COP1: variants seen among roughly 807,000 people sequenced by gnomAD.
COP1 encodes COP1 E3 ubiquitin ligase.
In COP1, 24 loss-of-function variants were observed where a neutral mutation model predicts 101.3. The ratio of observed to expected loss-of-function variants is 0.24; its 90% CI spans 0.17 to 0.33. The LOEUF is 0.33. Ranked by LOEUF, COP1 falls within the 10% of genes least tolerant of loss-of-function variation. The probability of loss-of-function intolerance (pLI) is 1.00; values close to 1 mark genes in which losing one functional copy is unlikely to be tolerated. For synonymous variants in COP1, 347 were observed against 341.9 expected (o/e 1.01, Z -0.17); for missense variants, 663 against 906.2 (o/e 0.73, Z 3.45).
chr1:175,953,490 G>C (rs1419535962), intron 18 of COP1, among the ~76,000 whole-genome samples: 1 of 152,054 alleles, frequency 6.6e-6, no homozygotes, highest in Non-Finnish European at 1.5e-5. Flanking sequence ...GGGCGCGGTG[G>C]CTCATGCCTG....
intron 14 of COP1, among the ~76,000 whole-genome samples, chr1:176,033,654 C>A (rs1012722765): frequency 3.3e-5 from 5 of 151,982 alleles, no homozygotes; most frequent in African/African-American, 1.2e-4. Flanking sequence ...TCATAAAATT[C>A]CTTTCTGATT....
intron 3 of COP1, chr1:176,168,771 C>T: frequency 4.1e-6 from 1 of 243,436 alleles, no homozygotes; most frequent in South Asian, 3.8e-5. Context: ...AAGGGAGAAA[C>T]AGAAGAGAAT....
At chr1:176,087,386 T>C (rs1351945720) in intron 9 of COP1, among the ~76,000 whole-genome samples, 1 of 152,124 alleles carries the variant, frequency 6.6e-6, no homozygotes, top group African/African-American at 2.4e-5. Flanking sequence ...ATCTAGAATC[T>C]ACAAAGAACA....
At chr1:176,015,872 A>G (rs1665537940) in intron 15 of COP1, among the ~76,000 whole-genome samples, 1 of 152,202 alleles carries the variant, frequency 6.6e-6, no homozygotes, top group South Asian at 2.1e-4. Context: ...GTGGGCTACA[A>G]TGTGAATGGT....
At chr1:175,975,697 C>T (rs1350608474) in intron 18 of COP1, among the ~76,000 whole-genome samples, 2 of 152,190 alleles carry the variant, frequency 1.3e-5, no homozygotes, top group Admixed American at 6.5e-5. Flanking sequence ...GTGTGAGTCA[C>T]TGCACCTGGC....
chr1:176,198,639 AC>A lies in COP1; in HGVS notation c.407+7932del, dbSNP rs542695106. ...ATCGATACATTAGAAAAAAGAAAAA[AC>A]TTTTGCACTTTAAAAAATTATTAAG... On this transcript the variant is annotated intron_variant, in intron 1 of 19. Coordinates refer to ENST00000367669, the MANE Select transcript of COP1 (RefSeq NM_022457.7). Among the ~76,000 whole-genome samples the A allele has an allele frequency of 4.3e-3, 661 of 152,204 alleles. 4 individuals carry two copies. Among genetic ancestry groups the A allele is most frequent in the African/African-American group, 0.015 (625 of 41,562 alleles).
intron 9 of COP1, among the ~76,000 whole-genome samples, chr1:176,103,505 TC>T (rs1195284384): frequency 1.3e-5 from 2 of 152,164 alleles, no homozygotes; most frequent in Admixed American, 1.3e-4. Flanking sequence ...ACCATCCTCT[TC>T]CCTACCTTGG....
At chr1:175,987,231 G>A in intron 17 of COP1, 128 bp from the exon 18 acceptor site, 2 of 507,342 alleles carry the variant, frequency 3.9e-6, no homozygotes, top group Non-Finnish European at 6.9e-6. Flanking sequence ...TGAAAGGCTA[G>A]ATCACAGGAC....
At chr1:176,087,546 C>T (rs1222470525) in intron 9 of COP1, among the ~76,000 whole-genome samples, 1 of 152,146 alleles carries the variant, frequency 6.6e-6, no homozygotes, top group African/African-American at 2.4e-5. Context: ...AAATCAAAAC[C>T]ACAATGAGAT....
chr1:176,121,341 C>T (rs1303585807), intron 8 of COP1, among the ~76,000 whole-genome samples: 1 of 151,966 alleles, frequency 6.6e-6, no homozygotes, highest in Admixed American at 6.6e-5. Context: ...AGAAATCATT[C>T]TTCATGTTTT....
At chr1:176,088,222 G>C (rs1680584856) in intron 9 of COP1, among the ~76,000 whole-genome samples, 1 of 148,552 alleles carries the variant, frequency 6.7e-6, no homozygotes, top group Non-Finnish European at 1.5e-5. Flanking sequence ...CCTGCACATT[G>C]TGCACATGTA....
chr1:175,949,168 C>CAAAAA (rs56280543), intron 18 of COP1, among the ~76,000 whole-genome samples: 2,455 of 42,982 alleles, frequency 0.057, 481 homozygotes, highest in Non-Finnish European at 0.075. Context: ...GGCTCCGTCT[C>CAAAAA]AAAAAAAAAA....
intron 11 of COP1, among the ~76,000 whole-genome samples, chr1:176,051,587 A>C (rs188032659): frequency 4.2e-4 from 64 of 152,314 alleles, no homozygotes; most frequent in East Asian, 3.7e-3. Flanking sequence ...ATTTTAAAAA[A>C]AAACAAACAA....
At chr1:176,186,673 T>C (rs898920480) in intron 1 of COP1, among the ~76,000 whole-genome samples, 1 of 152,204 alleles carries the variant, frequency 6.6e-6, no homozygotes, top group Non-Finnish European at 1.5e-5. Context: ...GACACAGTAA[T>C]GAACCAGATC....
rs66711924 is a variant in COP1 at position 175,966,280 on chromosome 1, T to TAC, written c.2134-19043_2134-19042dup. On this transcript the variant is annotated intron_variant, in intron 18 of 19. Transcript: ENST00000367669. ...TTAGCTGTCTGAATTGTGTTTGCAATACACACACACACACACACACACACA... is the reference window on the plus strand; with the variant it reads ...TTAGCTGTCTGAATTGTGTTTGCAATACACACACACACACACACACACACACA... Among the ~76,000 whole-genome samples the TAC allele has an allele frequency of 3.6e-3, 540 of 150,272 alleles. 2 individuals carry two copies. Among genetic ancestry groups the TAC allele is most frequent in the Middle Eastern group, 0.017 (5 of 294 alleles).
intron 3 of COP1, among the ~76,000 whole-genome samples, chr1:176,173,509 G>A (rs565911364): frequency 5.5e-4 from 84 of 151,452 alleles, no homozygotes; most frequent in Admixed American, 1.5e-3. Context: ...GTATGGTGGC[G>A]CATGTCTGTA....
intron 9 of COP1, among the ~76,000 whole-genome samples, chr1:176,116,337 G>A (rs1176089013): frequency 5.3e-5 from 8 of 152,162 alleles, no homozygotes; most frequent in Non-Finnish European, 1.2e-4. Flanking sequence ...TCCAGCCTGC[G>A]TGACAGAGTG....
At chr1:176,188,269 G>C (rs1698714544) in intron 1 of COP1, among the ~76,000 whole-genome samples, 1 of 152,038 alleles carries the variant, frequency 6.6e-6, no homozygotes, top group Non-Finnish European at 1.5e-5. Context: ...GTCAGAAATA[G>C]GTAGAATAGA....
chr1:176,184,732 T>C (rs879231485), intron 1 of COP1, 40 bp from the exon 2 acceptor site: 1 of 1,445,296 alleles, frequency 6.9e-7, no homozygotes, highest in Non-Finnish European at 9.6e-7. Flanking sequence ...TTTTTAAAAG[T>C]AGAGTGATTA....
Sources: gnomAD v4.1 joint callset for allele counts (sites outside exome capture counted in the v4.1 genomes callset) on GRCh38, gnomAD v4.1.1 for gene constraint, MANE v1.5 for transcripts, NCBI Gene and HGNC (gene_info 2026-07-23, HGNC 2026-07-21) for gene names.